Variants in SZT2 observed in about 807,000 individuals in gnomAD.
The protein encoded by SZT2 is KICSTOR complex protein SZT2.
In SZT2, 216 loss-of-function variants were observed where a neutral mutation model predicts 404.2. The observed-to-expected ratio is 0.53, with a 90% CI of 0.48 to 0.60. The LOEUF is 0.60. Among genes scored for constraint, SZT2 ranks in the 20% least tolerant of loss-of-function variants. The pLI is 0.00. For synonymous variants in SZT2, 1,693 were observed against 1,749.9 expected (o/e 0.97, Z 0.81); for missense variants, 3,857 against 4,459.2 (o/e 0.86, Z 3.85).
intron 26 of SZT2, 99 bp downstream of exon 26, chr1:43,427,833 A>G (rs1653366807): frequency 1.4e-6 from 2 of 1,435,236 alleles, no homozygotes; most frequent in African/African-American, 1.4e-5. Flanking sequence ...AGTTGCTGCC[A>G]TATCCTGCTG....
At chr1:43,392,262 A>C (rs1413687507) in intron 1 of SZT2, among the ~76,000 whole-genome samples, 1 of 152,150 alleles carries the variant, frequency 6.6e-6, no homozygotes, top group East Asian at 1.9e-4. Flanking sequence ...CTAGTGTTGT[A>C]TTTTACACTG....
At chr1:43,443,527 A>AC (rs755451533) in intron 61 of SZT2, 50 bp downstream of exon 61, 35 of 1,612,632 alleles carry the variant, frequency 2.2e-5, no homozygotes, top group Non-Finnish European at 2.7e-5. Flanking sequence ...CCCCACAGTG[A>AC]CCCCCCTCCT....
chr1:43,431,475 C>T lies in SZT2; in HGVS notation c.5040C>T (p.Ser1680=). Residue 1680 remains serine, a synonymous_variant, in exon 35 of 72, where the codon TCC becomes TCT. Coordinates refer to ENST00000634258, the MANE Select transcript of SZT2 (RefSeq NM_001365999.1). ...TTCCAATTAGGCACCCAGGACTATC[C>T]AATTTGGCCACGCCCCACAGACTGG... The part of the protein sequence containing the change: ...PPEEERHPGL[S]NLATPHRLAI... 1 of 1,614,158 alleles carries T rather than the reference C, an allele frequency of 6.2e-7. No homozygotes were observed. Among genetic ancestry groups the T allele is most frequent in the Non-Finnish European group, 8.5e-7 (1 of 1,180,028 alleles).
At chr1:43,431,659 A>G (rs1430596402) in intron 35 of SZT2, 57 bp from the exon 36 acceptor site, 11 of 1,605,226 alleles carry the variant, frequency 6.9e-6, no homozygotes, top group Non-Finnish European at 9.4e-6. Context: ...TCCGGGAGTA[A>G]GGGGATGCCC....
intron 4 of SZT2, among the ~76,000 whole-genome samples, chr1:43,412,968 C>T (rs1262496044): frequency 6.6e-6 from 1 of 152,198 alleles, no homozygotes; most frequent in African/African-American, 2.4e-5. Context: ...GGTATCATTT[C>T]ACCCCAGTTA....
At position 43,422,568 on chromosome 1, in the gene SZT2, C is replaced by T; in HGVS notation, c.1858C>T (p.Leu620=). The T allele has an allele frequency of 6.3e-7, 1 of 1,598,210 alleles. No homozygotes were observed. Among genetic ancestry groups the T allele is most frequent in the Non-Finnish European group, 8.5e-7 (1 of 1,179,716 alleles). The part of the protein sequence containing the change: ...CRISHSSLTS[L]LRDWSSFVLV... ...GATCTCCCACTCCTCCCTGACCTCT[C>T]TGCTGCGGGACTGGAGCAGCTTCGT... is the stretch of plus-strand genomic sequence containing the variant. Residue 620 remains leucine, a synonymous_variant, in exon 13 of 72, where the codon CTG becomes TTG. Transcript: ENST00000634258.
In SZT2 at chr1:43,451,996, C is replaced by G. The variant is rs1308125730; in HGVS notation, c.*1516C>G. On this transcript the variant is annotated 3_prime_UTR_variant, in exon 72 of 72. Coordinates refer to ENST00000634258, the MANE Select transcript of SZT2 (RefSeq NM_001365999.1). ...TGATGCGGGTGTTGATGGGCTCCAG[C>G]AGTCCCACGAGGTCCTCCTAGCAGC... is the stretch of plus-strand genomic sequence containing the variant. The G allele has an allele frequency of 6.2e-7, 1 of 1,609,622 alleles. No homozygotes were observed. The highest frequency in any genetic ancestry group is 8.5e-7 in the Non-Finnish European group (1 of 1,177,192).
At chr1:43,449,724 G>A (rs566840527) in intron 70 of SZT2, 30 of 339,514 alleles carry the variant, frequency 8.8e-5, no homozygotes, top group Non-Finnish European at 1.4e-4. Flanking sequence ...CAAGCAGAGC[G>A]TTAGGGAGCA....
At position 43,428,502 on chromosome 1, in the gene SZT2, G is replaced by A; in HGVS notation, c.4166+16G>A. ...CTGAATCCAGGTTAGGATTATACTT[G>A]AATGATGGATAAGGGGGTACACAGA... On this transcript the variant is annotated intron_variant, in intron 28 of 71. Transcript: ENST00000634258. The A allele has an allele frequency of 6.2e-7, 1 of 1,610,754 alleles. No individual in the cohort carries two copies. Among genetic ancestry groups the A allele is most frequent in the Non-Finnish European group, 8.5e-7 (1 of 1,179,458 alleles).
chr1:43,396,245 C>G (rs1319332959), intron 1 of SZT2, among the ~76,000 whole-genome samples: 1 of 152,158 alleles, frequency 6.6e-6, no homozygotes, highest in Non-Finnish European at 1.5e-5. Context: ...AACTTGAAAC[C>G]ATGCCATTTG....
chr1:43,418,956 C>T (rs183651463), intron 7 of SZT2, among the ~76,000 whole-genome samples: 24 of 152,230 alleles, frequency 1.6e-4, no homozygotes, highest in Admixed American at 2.6e-4. Flanking sequence ...CAAGAGCCAG[C>T]GTGTAGCCTA....
chr1:43,454,099 G>C lies in SZT2; in HGVS notation c.*3619G>C. 2 of 1,078,360 alleles carry C rather than the reference G, an allele frequency of 1.9e-6. No homozygotes were observed. The highest frequency in any genetic ancestry group is 2.3e-6 in the Non-Finnish European group (2 of 886,512). 66.8% of individuals were successfully genotyped at this position (1,078,360 alleles called of 1,614,324 possible). On this transcript the variant is annotated 3_prime_UTR_variant, in exon 72 of 72. Transcript: ENST00000634258. The stretch of plus-strand genomic sequence containing the variant: ...GGCCTGAGAGCCGGACGCGAAGCAA[G>C]AGAGAGCTGGCTGCCCGAGGGCCCG...
At chr1:43,415,638 T>C (rs1464531207) in intron 5 of SZT2, among the ~76,000 whole-genome samples, 1 of 152,072 alleles carries the variant, frequency 6.6e-6, no homozygotes, top group Non-Finnish European at 1.5e-5. Context: ...GTCATGTAAT[T>C]TGATTGAGGT....
intron 62 of SZT2, among the ~76,000 whole-genome samples, chr1:43,444,146 G>A (rs1305205861): frequency 6.6e-6 from 1 of 152,180 alleles, no homozygotes; most frequent in Non-Finnish European, 1.5e-5. Context: ...GCCTAGGCTG[G>A]AGTGCAGTGG....
At position 43,447,545 on chromosome 1, in the gene SZT2, G is replaced by A; in HGVS notation, c.9287G>A (p.Gly3096Glu). The A allele has an allele frequency of 1.2e-6, 2 of 1,613,674 alleles. No homozygotes were observed. Among genetic ancestry groups the A allele is most frequent in the African/African-American group, 1.3e-5 (1 of 75,014 alleles). Residue 3096 changes from glycine to glutamate, a missense_variant and splice_region_variant, in exon 67 of 72, where the codon GGG becomes GAG. Transcript: ENST00000634258. ...PHFGRNHIYQGTLELPTPLIA... is the reference protein window; with the variant it reads ...PHFGRNHIYQETLELPTPLIA... ...CTGTCTCCTGTTACTTATCCCTCAG[G>A]GACATTGGAGCTCCCCACACCACTC... is the stretch of plus-strand genomic sequence containing the variant.
chr1:43,439,191 C>T lies in SZT2; in HGVS notation c.6792+98C>T. ...ACCGATACCCCTATATGTACCTTTG[C>T]CCATGGACCTGGGTACACCCATGCC... On this transcript the variant is annotated intron_variant, in intron 48 of 71. Transcript: ENST00000634258. This position sits in a 1 kb window ranked among gnomAD's most constrained non-coding sequence, Gnocchi z 4.2. 1.3e-6 allele frequency: 2 copies of T among 1,570,828 alleles called. No homozygotes were observed. Among genetic ancestry groups the T allele is most frequent in the Admixed American group, 3.4e-5 (2 of 59,212 alleles).
intron 29 of SZT2, 73 bp downstream of exon 29, chr1:43,429,917 G>A: frequency 1.9e-6 from 3 of 1,612,392 alleles, no homozygotes; most frequent in East Asian, 2.2e-5. Context: ...TCTCTCCTGG[G>A]CGGGGGGTAT....
chr1:43,413,228 C>T (rs1264707056), intron 4 of SZT2, among the ~76,000 whole-genome samples: 1 of 152,072 alleles, frequency 6.6e-6, no homozygotes, highest in Non-Finnish European at 1.5e-5. Flanking sequence ...ACTAAAAATA[C>T]AAAAATTAGC....
At chr1:43,436,814 A>T (rs1654501626) in intron 42 of SZT2, 1 of 245,322 alleles carries the variant, frequency 4.1e-6, no homozygotes, top group South Asian at 8.7e-5. Context: ...TTACTGTTGC[A>T]ACTCCCTGGA....
Sources: allele counts gnomAD v4.1 joint callset (sites outside exome capture counted in the v4.1 genomes callset), GRCh38; gene constraint gnomAD v4.1.1; non-coding constraint Gnocchi (gnomAD v3.1); transcripts MANE v1.5; gene names NCBI Gene and HGNC (gene_info 2026-07-23, HGNC 2026-07-21).